The following ADTRP variants were observed in gnomAD, a reference collection of about 807,000 sequenced individuals.
The protein encoded by ADTRP is androgen dependent TFPI regulating protein.
ADTRP carries 20 observed loss-of-function variants against 27.0 expected under a neutral mutation model. That is an observed-to-expected ratio of 0.74 (90% CI 0.52 to 1.08). The LOEUF (loss-of-function observed/expected upper bound fraction) is 1.08, where lower values mean the gene tolerates loss of function less well. Ranked by LOEUF, ADTRP falls within the 50% of genes least tolerant of loss-of-function variation. The pLI is 0.00. For synonymous variants in ADTRP, 101 were observed against 105.2 expected (o/e 0.96, Z 0.25); for missense variants, 251 against 275.0 (o/e 0.91, Z 0.62).
Position 11,735,603 on chromosome 6 carries a change from G to A in ADTRP, c.471C>T (p.Thr157=), listed in dbSNP as rs1368232904. 1.2e-6 allele frequency: 2 copies of A among 1,613,926 alleles called. No homozygotes were observed. Among genetic ancestry groups the A allele is most frequent in the East Asian group, 2.2e-5 (1 of 44,890 alleles). The change falls in exon 4 of 6, where the codon ACC becomes ACT. Residue 157 remains threonine, a synonymous_variant. Coordinates refer to ENST00000414691, the MANE Select transcript of ADTRP (RefSeq NM_032744.4). ...HSYPSKKTGL[T]LLAAASIAYI... is the part of the protein sequence containing the mutation. ...AAGCAATGCTGGCAGCAGCCAGCAA[G>A]GTGAGTCCTGTCTTCTTTGATGGAT...
intron 2 of ADTRP, among the ~76,000 whole-genome samples, chr6:11,766,956 G>A (rs1010550744): frequency 6.6e-6 from 1 of 152,292 alleles, no homozygotes; most frequent in East Asian, 1.9e-4. Flanking sequence ...TCTATGCTAC[G>A]AAGTCAACGC....
chr6:11,728,869 G>C (rs970824159), intron 4 of ADTRP, among the ~76,000 whole-genome samples: 5 of 152,166 alleles, frequency 3.3e-5, no homozygotes, highest in Admixed American at 2.6e-4. Context: ...AATGTACCCA[G>C]TGGCCTTTCA....
At chr6:11,724,238 T>C (rs554657468) in intron 4 of ADTRP, among the ~76,000 whole-genome samples, 1 of 152,198 alleles carries the variant, frequency 6.6e-6, no homozygotes, top group South Asian at 2.1e-4. Context: ...GGGGTTTGCT[T>C]TTTTGGATCT....
intron 5 of ADTRP, among the ~76,000 whole-genome samples, chr6:11,719,637 G>A (rs891407349): frequency 1.3e-5 from 2 of 152,144 alleles, no homozygotes; most frequent in African/African-American, 4.8e-5. Context: ...GTGCTTGGCT[G>A]GTGACTTCAA....
chr6:11,754,602 G>A (rs2235404), intron 3 of ADTRP, among the ~76,000 whole-genome samples: 12,682 of 152,208 alleles, frequency 0.083, 954 homozygotes, highest in African/African-American at 0.18. Context: ...GGTAATCCAA[G>A]GACCTGGAGG....
intron 5 of ADTRP, 149 bp from the exon 6 acceptor site, chr6:11,714,661 G>GA (rs80355771): frequency 0.053 from 44,721 of 845,424 alleles, 4,339 homozygotes; most frequent in East Asian, 0.42. Flanking sequence ...AAGGAGTTAT[G>GA]AAAAAACAGC....
At chr6:11,758,225 G>A (rs1429944062) in intron 3 of ADTRP, among the ~76,000 whole-genome samples, 1 of 152,080 alleles carries the variant, frequency 6.6e-6, no homozygotes, top group Non-Finnish European at 1.5e-5. Context: ...TTTTCATGAT[G>A]GGAATATTGT....
chr6:11,763,554 G>A (rs549912643), intron 3 of ADTRP, among the ~76,000 whole-genome samples: 2 of 152,248 alleles, frequency 1.3e-5, no homozygotes, highest in South Asian at 2.1e-4. Context: ...ATGCCCAGCC[G>A]GACTGCCCGT....
At chr6:11,732,721 G>C (rs917943276) in intron 4 of ADTRP, among the ~76,000 whole-genome samples, 3 of 152,062 alleles carry the variant, frequency 2.0e-5, no homozygotes, top group Non-Finnish European at 4.4e-5. Flanking sequence ...CTGGGCACTG[G>C]GGCTCACCCA....
chr6:11,758,581 G>GT (rs1316243529), intron 3 of ADTRP, among the ~76,000 whole-genome samples: 18 of 119,852 alleles, frequency 1.5e-4, no homozygotes, highest in Middle Eastern at 4.0e-3. Context: ...GGGGTGGGGG[G>GT]GGGGGACGGA....
chr6:11,724,313 C>A (rs1231113481), intron 4 of ADTRP, among the ~76,000 whole-genome samples: 1 of 152,102 alleles, frequency 6.6e-6, no homozygotes, highest in African/African-American at 2.4e-5. Context: ...AGAGATAGAG[C>A]GTTATTGCCC....
At chr6:11,739,884 CT>C (rs1458326302) in intron 3 of ADTRP, among the ~76,000 whole-genome samples, 1 of 152,180 alleles carries the variant, frequency 6.6e-6, no homozygotes, top group Non-Finnish European at 1.5e-5. Flanking sequence ...TGATCACACT[CT>C]TATCCTAAGT....
At chr6:11,741,723 A>T (rs538869410) in intron 3 of ADTRP, among the ~76,000 whole-genome samples, 57 of 78,930 alleles carry the variant, frequency 7.2e-4, no homozygotes, top group African/African-American at 3.5e-3. Context: ...ATTTTTTTTA[A>T]AAAAAAAAGA....
chr6:11,751,342 T>C (rs148894716), intron 3 of ADTRP, among the ~76,000 whole-genome samples: 4 of 152,348 alleles, frequency 2.6e-5, no homozygotes, highest in Non-Finnish European at 5.9e-5. Flanking sequence ...CAGGATAGTG[T>C]CTTACCATGG....
chr6:11,766,199 T>C (rs549395230), intron 3 of ADTRP, 75 bp downstream of exon 3: 2 of 1,089,038 alleles, frequency 1.8e-6, no homozygotes, highest in Admixed American at 2.3e-5. Context: ...TTTGGAAACA[T>C]AGATAAGGCA....
intron 1 of ADTRP, among the ~76,000 whole-genome samples, chr6:11,769,414 C>T (rs565737319): frequency 6.6e-6 from 1 of 152,118 alleles, no homozygotes; most frequent in African/African-American, 2.4e-5. Flanking sequence ...CATGCTGCTC[C>T]TGGGCTGAGG....
chr6:11,760,213 A>G (rs1333509168), intron 3 of ADTRP, among the ~76,000 whole-genome samples: 1 of 152,168 alleles, frequency 6.6e-6, no homozygotes, highest in African/African-American at 2.4e-5. Flanking sequence ...ATGTGTGTAT[A>G]GTCCACAAGG....
chr6:11,718,410 T>C (rs1477506608), intron 5 of ADTRP, among the ~76,000 whole-genome samples: 3 of 152,204 alleles, frequency 2.0e-5, no homozygotes, highest in South Asian at 4.1e-4. Context: ...GCTTGTGTGC[T>C]GGTGTCAGCA....
intron 5 of ADTRP, among the ~76,000 whole-genome samples, chr6:11,721,848 T>C (rs1045899043): frequency 5.3e-5 from 8 of 152,282 alleles, no homozygotes; most frequent in African/African-American, 1.7e-4. Context: ...ATAAATATGA[T>C]GATAATTTTG....
Sources: allele counts gnomAD v4.1 joint callset (sites outside exome capture counted in the v4.1 genomes callset), GRCh38; gene constraint gnomAD v4.1.1; transcripts MANE v1.5; gene names NCBI Gene and HGNC (gene_info 2026-07-23, HGNC 2026-07-21).